The following MGAT4C variants were observed in gnomAD, a reference collection of about 807,000 sequenced individuals.
MGAT4C encodes the protein MGAT4 family member C.
In MGAT4C, 19 loss-of-function variants were observed where a neutral mutation model predicts 40.1. The ratio of observed to expected loss-of-function variants is 0.47; its 90% confidence interval spans 0.33 to 0.70. The LOEUF is 0.70. MGAT4C is among the 30% of genes least tolerant of loss of function. The probability of loss-of-function intolerance (pLI) is 0.02; values close to 1 mark genes in which losing one functional copy is unlikely to be tolerated. For missense variants in MGAT4C, 491 were observed against 563.2 expected (o/e 0.87, Z 1.30); for synonymous variants, 181 against 187.1 (o/e 0.97, Z 0.27).
intron 3 of MGAT4C, among the ~76,000 whole-genome samples, chr12:86,362,995 G>A (rs1241551169): frequency 6.6e-6 from 1 of 151,688 alleles, no homozygotes; most frequent in African/African-American, 2.4e-5. Flanking sequence ...TCATTAAGAA[G>A]TAATAGTAAT....
chr12:86,342,960 A>G (rs1954935029), intron 3 of MGAT4C, among the ~76,000 whole-genome samples: 2 of 152,040 alleles, frequency 1.3e-5, no homozygotes, highest in South Asian at 4.2e-4. Context: ...TCTTTACTAG[A>G]TAGGGTAGAA....
At chr12:86,712,586 C>T (rs978081246) in intron 2 of MGAT4C, among the ~76,000 whole-genome samples, 31 of 152,018 alleles carry the variant, frequency 2.0e-4, no homozygotes, top group African/African-American at 7.2e-4. Flanking sequence ...TGACTCATGA[C>T]GAAACTATTA....
At chr12:86,578,649 A>G (rs981763215) in intron 2 of MGAT4C, among the ~76,000 whole-genome samples, 6 of 151,796 alleles carry the variant, frequency 4.0e-5, no homozygotes, top group African/African-American at 1.4e-4. Context: ...TTATTGGCAT[A>G]TAGTTGCTGA....
intron 1 of MGAT4C, among the ~76,000 whole-genome samples, chr12:86,789,800 T>G (rs1335231426): frequency 6.6e-6 from 1 of 152,142 alleles, no homozygotes; most frequent in African/African-American, 2.4e-5. Flanking sequence ...TTCTAAAAAC[T>G]TTGAATAGAT....
intron 1 of MGAT4C, among the ~76,000 whole-genome samples, chr12:86,249,763 G>A (rs1952188625): frequency 6.6e-6 from 1 of 152,036 alleles, no homozygotes; most frequent in South Asian, 2.1e-4. Context: ...TTCTTAATGA[G>A]GTCCCTCTAT....
At chr12:86,057,126 C>T (rs1432575067) in intron 1 of MGAT4C, among the ~76,000 whole-genome samples, 1 of 151,788 alleles carries the variant, frequency 6.6e-6, no homozygotes, top group African/African-American at 2.4e-5. Context: ...TTGAAATTTG[C>T]AGATTCCATA....
At chr12:86,114,513 G>T (rs979275033) in intron 1 of MGAT4C, among the ~76,000 whole-genome samples, 5 of 151,556 alleles carry the variant, frequency 3.3e-5, no homozygotes, top group Non-Finnish European at 7.4e-5. Flanking sequence ...GGGCTCTCTT[G>T]ATTTTTTTTT....
chr12:86,453,335 C>G (rs2136288979), intron 2 of MGAT4C, among the ~76,000 whole-genome samples: 1 of 152,162 alleles, frequency 6.6e-6, no homozygotes, highest in Non-Finnish European at 1.5e-5. Flanking sequence ...AAGAGAGTTA[C>G]AGTTTTCAGT....
chr12:86,638,195 A>C (rs1448460862), intron 2 of MGAT4C, among the ~76,000 whole-genome samples: 1 of 151,966 alleles, frequency 6.6e-6, no homozygotes, highest in Admixed American at 6.6e-5. Context: ...CTGTGTTCTT[A>C]GTACATGTAG....
chr12:86,436,382 C>T (rs1172316482), intron 2 of MGAT4C, among the ~76,000 whole-genome samples: 2 of 151,602 alleles, frequency 1.3e-5, no homozygotes, highest in Non-Finnish European at 3.0e-5. Flanking sequence ...TTTAAGACAA[C>T]AGATTTCATT....
At chr12:86,381,281 TCA>T (rs1955923681) in intron 3 of MGAT4C, among the ~76,000 whole-genome samples, 1 of 152,170 alleles carries the variant, frequency 6.6e-6, no homozygotes, top group Non-Finnish European at 1.5e-5. Flanking sequence ...GATCTCAAGA[TCA>T]CAAATTCAGA....
chr12:86,069,380 C>G (rs1284315396), intron 1 of MGAT4C, among the ~76,000 whole-genome samples: 1 of 152,072 alleles, frequency 6.6e-6, no homozygotes, highest in Non-Finnish European at 1.5e-5. Flanking sequence ...CCATAAGTGA[C>G]TGGGTTAATA....
chr12:86,763,996 G>C (rs1951452088), intron 1 of MGAT4C, among the ~76,000 whole-genome samples: 1 of 152,154 alleles, frequency 6.6e-6, no homozygotes, highest in African/African-American at 2.4e-5. Flanking sequence ...TCACTAGGGA[G>C]TGCCAGACAG....
chr12:86,226,616 A>G (rs1389683419), intron 1 of MGAT4C, among the ~76,000 whole-genome samples: 2 of 151,948 alleles, frequency 1.3e-5, no homozygotes, highest in Non-Finnish European at 2.9e-5. Flanking sequence ...CGCAACCCAA[A>G]TGATGAAATC....
At chr12:86,225,798 A>C (rs1951051740) in intron 1 of MGAT4C, among the ~76,000 whole-genome samples, 1 of 152,126 alleles carries the variant, frequency 6.6e-6, no homozygotes, top group African/African-American at 2.4e-5. Context: ...ATACCTCTAA[A>C]TAATAAAGGC....
intron 2 of MGAT4C, among the ~76,000 whole-genome samples, chr12:86,527,980 A>G (rs1958913782): frequency 6.6e-6 from 1 of 152,148 alleles, no homozygotes; most frequent in African/African-American, 2.4e-5. Flanking sequence ...TGAACTGTAC[A>G]CTTAAATGTG....
At chr12:86,757,287 G>C (rs1435841668) in intron 1 of MGAT4C, among the ~76,000 whole-genome samples, 1 of 152,170 alleles carries the variant, frequency 6.6e-6, no homozygotes, top group African/African-American at 2.4e-5. Context: ...GATGGGTGCA[G>C]CAAACCATCA....
intron 3 of MGAT4C, among the ~76,000 whole-genome samples, chr12:86,416,009 T>G (rs971598754): frequency 2.6e-5 from 4 of 151,984 alleles, no homozygotes; most frequent in Non-Finnish European, 5.9e-5. Context: ...GAAATGCTAT[T>G]TAGAGGGGAA....
intron 2 of MGAT4C, among the ~76,000 whole-genome samples, chr12:86,671,852 G>C (rs986538255): frequency 5.3e-5 from 8 of 152,084 alleles, no homozygotes. Flanking sequence ...ATAAAAGCAG[G>C]AGACTTTAAC....
Sources: gnomAD v4.1 joint callset for allele counts (sites outside exome capture counted in the v4.1 genomes callset) on GRCh38, gnomAD v4.1.1 for gene constraint, MANE v1.5 for transcripts, NCBI Gene and HGNC (gene_info 2026-07-23, HGNC 2026-07-21) for gene names.